KCNIP4: variants seen among roughly 807,000 people sequenced by gnomAD.
KCNIP4 encodes the protein potassium voltage-gated channel interacting protein 4, also known as Kv channel-interacting protein 4.
A neutral mutation model predicts 34.0 loss-of-function variants in KCNIP4; 12 were observed. The observed-to-expected ratio is 0.35, with a 90% CI of 0.23 to 0.57. The LOEUF (loss-of-function observed/expected upper bound fraction) is 0.57. Ranked by LOEUF, KCNIP4 falls within the 20% of genes least tolerant of loss-of-function variation. KCNIP4 has a pLI of 0.83. For missense variants in KCNIP4, 238 were observed against 311.7 expected (o/e 0.76, Z 1.78); for synonymous variants, 124 against 102.2 (o/e 1.21, Z -1.29).
At chr4:21,356,506 T>A (rs187032004) in intron 1 of KCNIP4, among the ~76,000 whole-genome samples, 5 of 152,270 alleles carry the variant, frequency 3.3e-5, no homozygotes, top group Admixed American at 1.3e-4. Context: ...ATCACAGGCA[T>A]TCTTATACAT....
intron 1 of KCNIP4, among the ~76,000 whole-genome samples, chr4:20,957,016 A>G (rs990790112): frequency 1.3e-5 from 2 of 152,182 alleles, no homozygotes; most frequent in Non-Finnish European, 2.9e-5. Flanking sequence ...AAGAAAGAAC[A>G]TTAAAGAGAA....
chr4:21,470,953 C>T (rs991484529), intron 1 of KCNIP4, among the ~76,000 whole-genome samples: 16 of 152,096 alleles, frequency 1.1e-4, no homozygotes, highest in African/African-American at 3.9e-4. Context: ...GAGGGGGTCT[C>T]AAAATATGGC....
At chr4:21,836,501 C>A (rs1483515722) in intron 1 of KCNIP4, among the ~76,000 whole-genome samples, 1 of 152,006 alleles carries the variant, frequency 6.6e-6, no homozygotes, top group African/African-American at 2.4e-5. Flanking sequence ...TCGATTTATT[C>A]TACTTCAATG....
At chr4:21,564,180 T>C (rs1739666128) in intron 1 of KCNIP4, among the ~76,000 whole-genome samples, 1 of 152,174 alleles carries the variant, frequency 6.6e-6, no homozygotes, top group Non-Finnish European at 1.5e-5. Context: ...TGGTTCTTTT[T>C]ATTTCTGTAA....
At chr4:21,170,718 G>A (rs1486418586) in intron 1 of KCNIP4, among the ~76,000 whole-genome samples, 1 of 152,012 alleles carries the variant, frequency 6.6e-6, no homozygotes, top group Non-Finnish European at 1.5e-5. Flanking sequence ...TAACATGTAG[G>A]AAATAAAACA....
intron 1 of KCNIP4, among the ~76,000 whole-genome samples, chr4:21,089,195 T>C (rs1449749574): frequency 6.6e-6 from 1 of 152,172 alleles, no homozygotes; most frequent in East Asian, 1.9e-4. Flanking sequence ...TGGGAGGTAA[T>C]TAGATCATGG....
At chr4:21,126,797 G>A (rs1369292766) in intron 1 of KCNIP4, among the ~76,000 whole-genome samples, 1 of 152,102 alleles carries the variant, frequency 6.6e-6, no homozygotes, top group Non-Finnish European at 1.5e-5. Flanking sequence ...TAGCAAGGGT[G>A]TCTTGATACC....
chr4:20,729,440 TATTAGGCATATGCTGATATCTGATAA>T lies in KCNIP4; in HGVS notation c.*616_*641del, dbSNP rs2149239024. 6.7e-6 allele frequency: 1 copy of T among 148,370 alleles called. No individual in the cohort carries two copies. Among genetic ancestry groups the T allele is most frequent in the East Asian group, 2.0e-4 (1 of 5,044 alleles). The allele number at this position is 148,370 out of a possible 1,614,324, so 9.2% of individuals were successfully genotyped here. On this transcript the variant is annotated 3_prime_UTR_variant, in exon 9 of 9. Coordinates refer to ENST00000382152, the MANE Select transcript of KCNIP4 (RefSeq NM_025221.6). ...ATTAAATGCTTATTAAAATAAGTTT[TATTAGGCATATGCTGATATCTGATAA>T]TAAACTAATTTTTAAATGTTTAATA...
rs1274740464 is a variant in KCNIP4 at position 21,948,639 on chromosome 4, G to A, written c.-8C>T. 3.1e-6 allele frequency: 5 copies of A among 1,611,590 alleles called. No individual in the cohort carries two copies. In the Admixed American group the frequency reaches 5.0e-5, roughly 16 times the overall value. On this transcript the variant is annotated 5_prime_UTR_variant, in exon 1 of 9. Coordinates refer to ENST00000382152, the MANE Select transcript of KCNIP4 (RefSeq NM_025221.6). ...CACCCTCCTCACATTCATGTCTAGG[G>A]ACGCAGGGTGCAGAAGCGAGACTCG... is the stretch of plus-strand genomic sequence containing the variant.
chr4:21,609,766 G>A (rs1744006683), intron 1 of KCNIP4, among the ~76,000 whole-genome samples: 1 of 152,160 alleles, frequency 6.6e-6, no homozygotes, highest in African/African-American at 2.4e-5. Flanking sequence ...CAAACTGATA[G>A]GAGAGCAAGA....
intron 1 of KCNIP4, among the ~76,000 whole-genome samples, chr4:20,963,602 T>A (rs1734069694): frequency 6.6e-6 from 1 of 152,136 alleles, no homozygotes; most frequent in African/African-American, 2.4e-5. Flanking sequence ...AAGAAGCTTT[T>A]ATTTAAGAGA....
intron 3 of KCNIP4, among the ~76,000 whole-genome samples, chr4:20,828,782 A>G (rs1718070231): frequency 6.6e-6 from 1 of 152,198 alleles, no homozygotes; most frequent in South Asian, 2.1e-4. Flanking sequence ...CCCTACCTCC[A>G]TACCTACACA....
At chr4:21,370,930 G>T (rs1342779655) in intron 1 of KCNIP4, among the ~76,000 whole-genome samples, 2 of 120,486 alleles carry the variant, frequency 1.7e-5, no homozygotes, top group Non-Finnish European at 3.2e-5. Flanking sequence ...AAAGAAACTA[G>T]CAATGCAAGA....
chr4:21,222,634 C>G (rs1326452216), intron 1 of KCNIP4, among the ~76,000 whole-genome samples: 1 of 152,152 alleles, frequency 6.6e-6, no homozygotes, highest in African/African-American at 2.4e-5. Flanking sequence ...TTAAACACAA[C>G]TAAGTAAAAT....
chr4:21,650,501 C>T (rs1042304617), intron 1 of KCNIP4, among the ~76,000 whole-genome samples: 20 of 152,114 alleles, frequency 1.3e-4, no homozygotes, highest in African/African-American at 4.6e-4. Flanking sequence ...AATTTGGGCA[C>T]AGCCCACTCT....
At chr4:20,796,885 G>T (rs1323722375) in intron 3 of KCNIP4, among the ~76,000 whole-genome samples, 1 of 152,178 alleles carries the variant, frequency 6.6e-6, no homozygotes, top group African/African-American at 2.4e-5. Context: ...CAAAAACACA[G>T]CACTCAGTGC....
intron 1 of KCNIP4, among the ~76,000 whole-genome samples, chr4:21,012,913 C>A (rs1739185580): frequency 6.6e-6 from 1 of 152,146 alleles, no homozygotes; most frequent in Admixed American, 6.5e-5. Flanking sequence ...AACATATTTA[C>A]CCTGGCACAG....
intron 1 of KCNIP4, among the ~76,000 whole-genome samples, chr4:21,471,788 C>T (rs1345306581): frequency 6.6e-6 from 1 of 152,168 alleles, no homozygotes; most frequent in Non-Finnish European, 1.5e-5. Context: ...ATTCCTCCAT[C>T]CCTGGATTTT....
intron 1 of KCNIP4, among the ~76,000 whole-genome samples, chr4:21,715,868 T>C (rs1032298711): frequency 6.6e-5 from 10 of 152,236 alleles, no homozygotes; most frequent in African/African-American, 2.4e-4. Context: ...GCTTCTGATA[T>C]CATAATTGCA....
Sources: gnomAD v4.1 joint callset for allele counts (sites outside exome capture counted in the v4.1 genomes callset) on GRCh38, gnomAD v4.1.1 for gene constraint, MANE v1.5 for transcripts, NCBI Gene and HGNC (gene_info 2026-07-23, HGNC 2026-07-21) for gene names.